Variants in GATB observed in about 807,000 individuals in gnomAD.
The protein encoded by GATB is glutamyl-tRNA amidotransferase subunit B.
In GATB, 39 loss-of-function variants were observed where a neutral mutation model predicts 62.3. The ratio of observed to expected loss-of-function variants is 0.63; its 90% confidence interval spans 0.48 to 0.82. The LOEUF (loss-of-function observed/expected upper bound fraction) is 0.82. Ranked by LOEUF, GATB falls within the 40% of genes least tolerant of loss-of-function variation. The pLI is 0.00. For missense variants in GATB, 670 were observed against 684.0 expected (o/e 0.98, Z 0.23); for synonymous variants, 276 against 258.9 (o/e 1.07, Z -0.63).
rs184095954 is a variant in GATB at position 151,688,727 on chromosome 4, T to C, written c.1234A>G (p.Ile412Val). The C allele has an allele frequency of 4.2e-5, 68 of 1,611,128 alleles. No homozygotes were observed. Among genetic ancestry groups the C allele is most frequent in the Middle Eastern group, 3.3e-4 (2 of 6,056 alleles). Reference sequence around the variant, plus strand: ...TTTGGCTCTGCCCTAGTTTCTTTTATCACATTTTGGAAGAACTCCAGTAGG... The same window carrying C: ...TTTGGCTCTGCCCTAGTTTCTTTTACCACATTTTGGAAGAACTCCAGTAGG... Reference protein sequence around the residue: ...VGLLEFFQNVIKETRAEPKKV... With the variant: ...VGLLEFFQNVVKETRAEPKKV... Residue 412 changes from isoleucine (I) to valine (V), a missense_variant, in exon 10 of 13, where the codon ATA becomes GTA. Ile to Val is a conservative substitution (Grantham distance 29, BLOSUM62 3). Transcript: ENST00000263985.
chr4:151,705,250 T>C lies in GATB; in HGVS notation c.897A>G (p.Gln299=), dbSNP rs747492372. The C allele has an allele frequency of 4.3e-6, 7 of 1,611,346 alleles. No homozygotes were observed. Among genetic ancestry groups the C allele is most frequent in the African/African-American group, 1.3e-5 (1 of 74,986 alleles). Residue 299 remains glutamine (Q), a synonymous_variant, in exon 7 of 13, where the codon CAA becomes CAG. Coordinates refer to ENST00000263985, the MANE Select transcript of GATB (RefSeq NM_004564.3). ...AKAIDYEIQR[Q]INELENGGEI... ...CACCTCCATTCTCAAGTTCATTGAT[T>C]TGCCTCTGAATTTCATAGTCTAGGA...
intron 2 of GATB, among the ~76,000 whole-genome samples, chr4:151,757,574 G>A (rs1739859976): frequency 6.9e-6 from 1 of 144,790 alleles, no homozygotes; most frequent in Non-Finnish European, 1.5e-5. Context: ...CCAGGTTCAC[G>A]CCATTCTCCT....
intron 11 of GATB, among the ~76,000 whole-genome samples, chr4:151,679,114 T>G (rs1738078325): frequency 6.6e-6 from 1 of 152,148 alleles, no homozygotes; most frequent in Non-Finnish European, 1.5e-5. Context: ...CAGGCTGGTC[T>G]CAAACTCCTG....
intron 10 of GATB, among the ~76,000 whole-genome samples, 184 bp downstream of exon 10, chr4:151,688,446 A>C (rs1371386826): frequency 6.6e-6 from 1 of 152,238 alleles, no homozygotes; most frequent in Non-Finnish European, 1.5e-5. Context: ...ATTTGAAGGA[A>C]TAAATACATT....
intron 10 of GATB, among the ~76,000 whole-genome samples, chr4:151,684,555 C>G (rs1738206132): frequency 6.6e-6 from 1 of 152,228 alleles, no homozygotes; most frequent in Non-Finnish European, 1.5e-5. Context: ...AGCTACTGCC[C>G]TTCTAAGCTC....
rs1738982776 is a variant in GATB at position 151,719,430 on chromosome 4, G to C, written c.436C>G (p.Leu146Val). 6.2e-7 allele frequency: 1 copy of C among 1,606,244 alleles called. No homozygotes were observed. Among genetic ancestry groups the C allele is most frequent in the Non-Finnish European group, 8.5e-7 (1 of 1,173,818 alleles). Residue 146 changes from leucine (L) to valine (V), a missense_variant, in exon 3 of 13, where the codon CTC (leucine) becomes GTC (valine). Transcript: ENST00000263985. ...FDRKHYFYAD[L>V]PAGYQITQQR... ...GGATCACAAAGTGTACTTACAGGGA[G>C]GTCTGCATAGAAGTAGTGCTTCCTG...
intron 9 of GATB, among the ~76,000 whole-genome samples, chr4:151,693,784 T>C (rs1738416362): frequency 6.6e-6 from 1 of 152,158 alleles, no homozygotes; most frequent in Non-Finnish European, 1.5e-5. Context: ...AGCTGGAAAG[T>C]AGACAGATCT....
rs1737901119 is a variant in GATB at position 151,672,756 on chromosome 4, A to G, written c.1545+6T>C. 6.2e-7 allele frequency: 1 copy of G among 1,613,638 alleles called. No individual in the cohort carries two copies. Among genetic ancestry groups the G allele is most frequent in the Admixed American group, 1.7e-5 (1 of 60,010 alleles). ...TCTGGCCCTCTCCCCTGCCCGAGAT[A>G]GTCACCACTTGAGGATGGGCCTCCA... On this transcript the variant is annotated splice_donor_region_variant and intron_variant, in intron 12 of 12. Coordinates refer to ENST00000263985, the MANE Select transcript of GATB (RefSeq NM_004564.3).
rs543107277 is a variant in GATB, at chr4:151,716,066, C to T, written c.706G>A (p.Val236Ile). Reference sequence around the variant, plus strand: ...TGAAGGATCAGCTGCAGCTCCCTGACAGCTGTTGCCGCCTCTTCTCCACAG... The same window carrying T: ...TGAAGGATCAGCTGCAGCTCCCTGATAGCTGTTGCCGCCTCTTCTCCACAG... The part of the protein sequence containing the change: ...MSCGEEAATA[V>I]RELQLILQAL... The change falls in exon 5 of 13, where the codon GTC becomes ATC. Residue 236 changes from valine (V) to isoleucine (I), a missense_variant. Coordinates refer to ENST00000263985, the MANE Select transcript of GATB (RefSeq NM_004564.3). 1.9e-6 allele frequency: 3 copies of T among 1,614,012 alleles called. No individual in the cohort carries two copies. Among genetic ancestry groups the T allele is most frequent in the Admixed American group, 3.3e-5 (2 of 60,012 alleles).
intron 2 of GATB, among the ~76,000 whole-genome samples, chr4:151,726,746 G>A (rs1739145287): frequency 6.6e-6 from 1 of 152,092 alleles, no homozygotes; most frequent in African/African-American, 2.4e-5. Flanking sequence ...CCCAGGGGTG[G>A]TCAGGAGCAA....
At position 151,758,937 on chromosome 4, in the gene GATB, A is replaced by G. The variant is rs1260448267; in HGVS notation, c.177-15T>C. On this transcript the variant is annotated splice_polypyrimidine_tract_variant and intron_variant, in intron 1 of 12. Coordinates refer to ENST00000263985, the MANE Select transcript of GATB (RefSeq NM_004564.3). ...ATTTGTGTTCACTAAGAAGAAAGAG[A>G]TAATGGTTAAGATGTATTATATTTG... is the stretch of plus-strand genomic sequence containing the variant. 1.3e-6 allele frequency: 2 copies of G among 1,582,160 alleles called. No individual in the cohort carries two copies. Among genetic ancestry groups the G allele is most frequent in the Non-Finnish European group, 1.7e-6 (2 of 1,162,344 alleles).
intron 2 of GATB, among the ~76,000 whole-genome samples, chr4:151,732,415 C>T (rs1282963068): frequency 1.3e-5 from 2 of 152,046 alleles, no homozygotes; most frequent in Non-Finnish European, 2.9e-5. Flanking sequence ...GATCTGTGAC[C>T]CTGCCCCCAA....
At position 151,727,113 on chromosome 4, in the gene GATB, G is replaced by T. The variant is rs914690166; in HGVS notation, c.328-7575C>A. ...TTAATTTATATTTTGAAGAGACGAG[G>T]TCTTGCTATGTTGCCCAGGCTGCTC... On this transcript the variant is annotated intron_variant, in intron 2 of 12. Coordinates refer to ENST00000263985, the MANE Select transcript of GATB (RefSeq NM_004564.3). Among the ~76,000 whole-genome samples the T allele has an allele frequency of 2.0e-5, 3 of 152,140 alleles. No homozygotes were observed. The South Asian group carries it at 6.2e-4, about 31-fold the overall frequency.
rs749881764 is a variant in GATB, at chr4:151,760,794, T to C, written c.176+13A>G. ...TCACAGTTAGGTGGGCAGAAATGTA[T>C]GAAACAGAATACCCTTTCCTCGTCT... On this transcript the variant is annotated intron_variant, in intron 1 of 12. Coordinates refer to ENST00000263985, the MANE Select transcript of GATB (RefSeq NM_004564.3). The C allele has an allele frequency of 8.2e-6, 13 of 1,582,508 alleles. No individual in the cohort carries two copies. In the South Asian group the frequency reaches 9.3e-5, roughly 11 times the overall value.
chr4:151,753,822 T>G (rs922443772), intron 2 of GATB, among the ~76,000 whole-genome samples: 4 of 152,132 alleles, frequency 2.6e-5, no homozygotes, highest in Non-Finnish European at 4.4e-5. Context: ...CAATAAATGT[T>G]TTCTCTTGAT....
At chr4:151,689,441 GC>G (rs1738318176) in intron 9 of GATB, among the ~76,000 whole-genome samples, 2 of 152,120 alleles carry the variant, frequency 1.3e-5, no homozygotes, top group South Asian at 4.1e-4. Context: ...AAGATGCCCT[GC>G]CTCTCATCGT....
At chr4:151,697,967 A>ATATATATATATATATG (rs201687067) in intron 9 of GATB, among the ~76,000 whole-genome samples, 1 of 101,872 alleles carries the variant, frequency 9.8e-6, no homozygotes, top group Non-Finnish European at 1.8e-5. Flanking sequence ...ATATATATAT[A>ATATATATATATATATG]TATATATATA....
At chr4:151,706,093 A>G in intron 6 of GATB, among the ~76,000 whole-genome samples, 1 of 152,208 alleles carries the variant, frequency 6.6e-6, no homozygotes. Flanking sequence ...AGCAACAGCA[A>G]AACGTGTCAG....
intron 9 of GATB, among the ~76,000 whole-genome samples, chr4:151,698,877 C>G (rs1316392309): frequency 6.6e-6 from 1 of 151,888 alleles, no homozygotes; most frequent in Non-Finnish European, 1.5e-5. Context: ...AAAATTCACC[C>G]TTCTTTTTTT....
Sources: gnomAD v4.1 joint callset for allele counts (sites outside exome capture counted in the v4.1 genomes callset) on GRCh38, gnomAD v4.1.1 for gene constraint, MANE v1.5 for transcripts, NCBI Gene and HGNC (gene_info 2026-07-23, HGNC 2026-07-21) for gene names.